The following SMPD4 variants were observed in gnomAD, a reference collection of about 807,000 sequenced individuals.
SMPD4 encodes neutral sphingomyelinase 3.
SMPD4 carries 58 observed loss-of-function variants against 97.8 expected under a neutral mutation model. That is an observed-to-expected ratio of 0.59 (90% CI 0.48 to 0.74). The LOEUF is 0.74. SMPD4 is among the 30% of genes least tolerant of loss of function. The pLI is 0.00. For missense variants in SMPD4, 853 were observed against 1,080.5 expected, an observed-to-expected ratio of 0.79 and a Z score of 2.95; for synonymous variants, 388 against 450.0, an observed-to-expected ratio of 0.86 and a Z score of 1.74.
chr2:130,160,137 C>T (rs912923882), intron 11 of SMPD4, among the ~76,000 whole-genome samples: 2 of 152,216 alleles, frequency 1.3e-5, no homozygotes, highest in Non-Finnish European at 2.9e-5. Flanking sequence ...AGCACCTCAG[C>T]TCACCCCACC....
intron 5 of SMPD4, 117 bp downstream of exon 5, chr2:130,173,162 C>T (rs1688639471): frequency 8.9e-7 from 1 of 1,120,250 alleles, no homozygotes; most frequent in Admixed American, 2.1e-5. Context: ...TCTCACACCC[C>T]TGGAACGAAT....
At chr2:130,169,299 G>A (rs1453183633) in intron 8 of SMPD4, among the ~76,000 whole-genome samples, 5 of 152,162 alleles carry the variant, frequency 3.3e-5, no homozygotes, top group African/African-American at 1.2e-4. Context: ...TACAGTGGGT[G>A]AGCCTGTGAA....
chr2:130,179,886 C>G lies in SMPD4; in HGVS notation c.-46+1644G>C, dbSNP rs572434544. ...GCCAGACTGGTCTCAAACTCCTGAC[C>G]TCGTGATCAGCCCTCCTCGGCCTCC... On this transcript the variant is annotated intron_variant, in intron 1 of 19. Transcript: ENST00000680298. Among the ~76,000 whole-genome samples, 6 of 152,166 alleles carry G rather than the reference C, an allele frequency of 3.9e-5. No individual in the cohort carries two copies. In the South Asian group the frequency reaches 1.2e-3, roughly 32 times the overall value.
chr2:130,164,545 A>G, intron 9 of SMPD4, 100 bp from the exon 10 acceptor site: 2 of 940,532 alleles, frequency 2.1e-6, no homozygotes, highest in East Asian at 2.6e-5. Context: ...CTGGGAACAC[A>G]GAATACCCAT....
rs372808796 is a variant in SMPD4 at position 130,153,061 on chromosome 2, C to T, written c.2136G>A (p.Ser712=). ...ASLVRTLFRL[S]SAINHRFAGQ... ...CACTCACTCTGTGGTTGATGGCAGA[C>T]GACAGCCTAAAGAGTGTGCGGACCA... The change falls in exon 19 of 20, where the codon TCG becomes TCA. Residue 712 remains serine, a synonymous_variant. Transcript: ENST00000680298. 67 of 1,611,668 alleles carry T rather than the reference C, an allele frequency of 4.2e-5. No homozygotes were observed. The highest frequency in any genetic ancestry group is 8.8e-5 in the South Asian group (8 of 90,974).
At chr2:130,170,024 C>A (rs573806638) in intron 8 of SMPD4, among the ~76,000 whole-genome samples, 96 of 150,588 alleles carry the variant, frequency 6.4e-4, no homozygotes, top group African/African-American at 2.3e-3. Context: ...AGCGAGGCAT[C>A]CCCATATCTC....
intron 10 of SMPD4, among the ~76,000 whole-genome samples, chr2:130,162,392 C>T (rs1042688490): frequency 2.6e-5 from 4 of 152,258 alleles, no homozygotes; most frequent in Non-Finnish European, 4.4e-5. Context: ...AATCAGAACA[C>T]ACGCCAGTCG....
At chr2:130,169,661 TC>T (rs1408046134) in intron 8 of SMPD4, among the ~76,000 whole-genome samples, 17 of 151,908 alleles carry the variant, frequency 1.1e-4, no homozygotes, top group Non-Finnish European at 2.2e-4. Flanking sequence ...GCACAAGTGA[TC>T]CTCCCACCTC....
chr2:130,180,231 A>G (rs9751751), intron 1 of SMPD4, among the ~76,000 whole-genome samples: 59,342 of 147,084 alleles, frequency 0.4, 11,792 homozygotes, highest in East Asian at 0.48. Flanking sequence ...CCAAAGTGCT[A>G]GGATTACAAG....
chr2:130,158,067 G>C, intron 11 of SMPD4: 1 of 577,266 alleles, frequency 1.7e-6, no homozygotes, highest in Non-Finnish European at 2.6e-6. Flanking sequence ...TTCAGCCCAG[G>C]AGTTTGAGGC....
In SMPD4 at chr2:130,153,085, C is replaced by G; in HGVS notation, c.2112G>C (p.Leu704Phe). Reference protein sequence around the residue: ...QPIRSYEIASLVRTLFRLSSA... With the variant: ...QPIRSYEIASFVRTLFRLSSA... ...ACGACAGCCTAAAGAGTGTGCGGAC[C>G]AAGCTGGCGATCTCATAGCTCCGGA... Residue 704 changes from leucine to phenylalanine, a missense_variant, in exon 19 of 20, where the codon TTG becomes TTC. Leu to Phe is a conservative substitution (Grantham distance 22). Transcript: ENST00000680298. 6.2e-7 allele frequency: 1 copy of G among 1,613,266 alleles called. No homozygotes were observed. Among genetic ancestry groups the G allele is most frequent in the Non-Finnish European group, 8.5e-7 (1 of 1,179,986 alleles).
At chr2:130,157,814 A>G in intron 11 of SMPD4, 1 of 238,570 alleles carries the variant, frequency 4.2e-6, no homozygotes, top group Non-Finnish European at 8.4e-6. Flanking sequence ...CTCTGGATCC[A>G]GGGTCTCCCA....
At chr2:130,164,511 G>A in intron 9 of SMPD4, 66 bp from the exon 10 acceptor site, 1 of 1,307,712 alleles carries the variant, frequency 7.6e-7, no homozygotes, top group South Asian at 1.2e-5. Context: ...AGTGGGGAAA[G>A]GACAGTGTCT....
intron 2 of SMPD4, among the ~76,000 whole-genome samples, 169 bp from the exon 3 acceptor site, chr2:130,175,169 T>A (rs1388966518): frequency 1.3e-5 from 2 of 152,174 alleles, no homozygotes; most frequent in Non-Finnish European, 2.9e-5. Context: ...CAAAGAGTAC[T>A]ACTAGGAGAG....
intron 15 of SMPD4, 123 bp from the exon 16 acceptor site, chr2:130,154,605 A>G: frequency 7.3e-7 from 1 of 1,368,754 alleles, no homozygotes; most frequent in Non-Finnish European, 1.0e-6. Context: ...TGTCCTCCTG[A>G]GGCCCTGCCT....
Position 130,174,923 on chromosome 2 carries a change from A to C in SMPD4, c.117T>G (p.Phe39Leu). ...GTTAGCAGAGCTATACCTTTGCTGG[A>C]AAGTCCTCAATGACTTTAACCAAGT... Reference protein sequence around the residue: ...CQDLVKVIEDFPAKELHTIFP... With the variant: ...CQDLVKVIEDLPAKELHTIFP... Residue 39 changes from phenylalanine to leucine, a missense_variant, in exon 3 of 20, where the codon TTT becomes TTG. Physicochemically the swap from Phe to Leu is conservative, Grantham distance 22 (BLOSUM62 0). Coordinates refer to ENST00000680298, the MANE Select transcript of SMPD4 (RefSeq NM_017951.5). The C allele has an allele frequency of 1.2e-6, 2 of 1,604,874 alleles. No homozygotes were observed. The highest frequency in any genetic ancestry group is 1.7e-4 in the Middle Eastern group (1 of 6,044).
In SMPD4 at chr2:130,172,993, G is replaced by A. The variant is rs1014923054; in HGVS notation, c.346-98C>T. ...ACAGCAGCACTTTGGGAAGGCTGCTGGGGAAGAGACCCACACACAGAACCC... is the reference window on the plus strand; with the variant it reads ...ACAGCAGCACTTTGGGAAGGCTGCTAGGGAAGAGACCCACACACAGAACCC... On this transcript the variant is annotated intron_variant, in intron 5 of 19. Transcript: ENST00000680298. 9 of 1,482,624 alleles carry A rather than the reference G, an allele frequency of 6.1e-6. No individual in the cohort carries two copies. In the Admixed American group the frequency reaches 1.7e-4, roughly 29 times the overall value. The allele number at this position is 1,482,624 out of a possible 1,614,324, so 91.8% of individuals were successfully genotyped here.
intron 11 of SMPD4, 115 bp from the exon 12 acceptor site, chr2:130,157,511 G>A: frequency 6.6e-7 from 1 of 1,526,458 alleles, no homozygotes; most frequent in East Asian, 2.4e-5. Flanking sequence ...CCCCACGGGA[G>A]GCATGAGCCA....
At chr2:130,169,362 G>A (rs1272738664) in intron 8 of SMPD4, among the ~76,000 whole-genome samples, 1 of 152,138 alleles carries the variant, frequency 6.6e-6, no homozygotes, top group East Asian at 1.9e-4. Context: ...TCCTGGTGTG[G>A]TTACAGGCAC....
Sources: gnomAD v4.1 joint callset for allele counts (sites outside exome capture counted in the v4.1 genomes callset) on GRCh38, gnomAD v4.1.1 for gene constraint, MANE v1.5 for transcripts, NCBI Gene and HGNC (gene_info 2026-07-23, HGNC 2026-07-21) for gene names.